The following AMBRA1 variants were observed in gnomAD, a reference collection of about 807,000 sequenced individuals.
The protein encoded by AMBRA1 is autophagy and beclin 1 regulator 1, also known as activating molecule in BECN1-regulated autophagy protein 1.
AMBRA1 carries 47 observed loss-of-function variants against 125.4 expected under a neutral mutation model. The observed-to-expected ratio is 0.37, with a 90% CI of 0.30 to 0.48. The LOEUF is 0.48. Among genes scored for constraint, AMBRA1 ranks in the 20% least tolerant of loss-of-function variants. The pLI, the probability that AMBRA1 is intolerant of heterozygous loss-of-function variation, is 0.99. For synonymous variants in AMBRA1, 626 were observed against 655.5 expected (o/e 0.95, Z 0.69); for missense variants, 1,331 against 1,693.4 (o/e 0.79, Z 3.76).
intron 7 of AMBRA1, among the ~76,000 whole-genome samples, chr11:46,516,166 C>T (rs1432714394): frequency 1.3e-5 from 2 of 152,068 alleles, no homozygotes; most frequent in Non-Finnish European, 2.9e-5. Flanking sequence ...CATTTGCTGC[C>T]CAGACAATAT....
At chr11:46,402,777 A>C (rs1171111176) in intron 17 of AMBRA1, among the ~76,000 whole-genome samples, 1 of 152,190 alleles carries the variant, frequency 6.6e-6, no homozygotes, top group African/African-American at 2.4e-5. Flanking sequence ...ACACAATACC[A>C]GACACAAAGT....
chr11:46,464,098 T>C (rs1338095778), intron 11 of AMBRA1, among the ~76,000 whole-genome samples: 1 of 152,122 alleles, frequency 6.6e-6, no homozygotes, highest in Non-Finnish European at 1.5e-5. Flanking sequence ...ATTCCAACAA[T>C]GGTTAATGAA....
chr11:46,478,648 C>CTTTTTTTTTTTTTTTTTTTTTT (rs11449187), intron 11 of AMBRA1, among the ~76,000 whole-genome samples: 5 of 82,152 alleles, frequency 6.1e-5, no homozygotes, highest in Admixed American at 1.8e-4. Context: ...TCTTTTTTCT[C>CTTTTTTTTTTTTTTTTTTTTTT]TTTTTTTTTT....
chr11:46,554,946 A>T (rs746764464), intron 1 of AMBRA1, among the ~76,000 whole-genome samples: 4 of 152,160 alleles, frequency 2.6e-5, no homozygotes, highest in Non-Finnish European at 4.4e-5. Context: ...ACATAAGACA[A>T]ATGCCGGTCA....
intron 11 of AMBRA1, among the ~76,000 whole-genome samples, chr11:46,466,344 C>CT (rs1227973593): frequency 5.1e-5 from 7 of 137,696 alleles, no homozygotes; most frequent in Non-Finnish European, 7.7e-5. Context: ...AAGACTCTGT[C>CT]TAAAAAAAAA....
intron 11 of AMBRA1, among the ~76,000 whole-genome samples, chr11:46,485,892 A>G (rs1425014514): frequency 2.6e-5 from 4 of 152,214 alleles, no homozygotes; most frequent in African/African-American, 9.7e-5. Flanking sequence ...CTAGTGGTAT[A>G]AGATAAGGTA....
chr11:46,409,487 C>A (rs756664122), intron 16 of AMBRA1, among the ~76,000 whole-genome samples: 1 of 152,164 alleles, frequency 6.6e-6, no homozygotes, highest in Non-Finnish European at 1.5e-5. Flanking sequence ...CATGAGCCAC[C>A]GCGCCCATCC....
chr11:46,429,193 C>G, intron 14 of AMBRA1: 1 of 1,473,918 alleles, frequency 6.8e-7, no homozygotes, highest in Non-Finnish European at 9.2e-7. Flanking sequence ...CTCCCCCTCT[C>G]CCTCGGACAA....
chr11:46,473,567 G>GA (rs1172495853), intron 11 of AMBRA1, among the ~76,000 whole-genome samples: 3 of 152,198 alleles, frequency 2.0e-5, no homozygotes, highest in Non-Finnish European at 4.4e-5. Context: ...TAAAGAATCA[G>GA]AAAAAATCCA....
At chr11:46,525,156 C>T (rs955566108) in intron 7 of AMBRA1, among the ~76,000 whole-genome samples, 3 of 152,044 alleles carry the variant, frequency 2.0e-5, no homozygotes, top group Non-Finnish European at 4.4e-5. Context: ...TAAAAATTAT[C>T]TGGGCATGGT....
At chr11:46,436,305 A>G (rs1947714358) in intron 12 of AMBRA1, among the ~76,000 whole-genome samples, 1 of 152,224 alleles carries the variant, frequency 6.6e-6, no homozygotes, top group Non-Finnish European at 1.5e-5. Context: ...AGTGATTTGT[A>G]AAACTCTATT....
intron 8 of AMBRA1, among the ~76,000 whole-genome samples, chr11:46,510,895 AATC>A (rs1440672545): frequency 6.6e-6 from 1 of 152,230 alleles, no homozygotes; most frequent in Non-Finnish European, 1.5e-5. Flanking sequence ...AGAGCTGGAA[AATC>A]ATCAAACAAC....
intron 1 of AMBRA1, among the ~76,000 whole-genome samples, chr11:46,583,652 C>CAAAAAAAAAAAAAAAAAAAAA (rs1398623719): frequency 8.0e-4 from 10 of 12,562 alleles, no homozygotes; most frequent in Non-Finnish European, 1.1e-3. Context: ...AACAAATTTC[C>CAAAAAAAAAAAAAAAAAAAAA]AAAAAAAAAA....
chr11:46,583,660 A>C (rs2044259071), intron 1 of AMBRA1, among the ~76,000 whole-genome samples: 2 of 129,208 alleles, frequency 1.5e-5, no homozygotes, highest in Non-Finnish European at 1.5e-5. Context: ...TCCAAAAAAA[A>C]AAAAAAAAAA....
At chr11:46,572,051 C>T (rs972176752) in intron 1 of AMBRA1, among the ~76,000 whole-genome samples, 15 of 152,078 alleles carry the variant, frequency 9.9e-5, no homozygotes, top group African/African-American at 3.6e-4. Flanking sequence ...GCCTATAATC[C>T]CAGGACTTTG....
intron 11 of AMBRA1, among the ~76,000 whole-genome samples, chr11:46,478,144 C>G (rs1949899402): frequency 6.6e-6 from 1 of 152,106 alleles, no homozygotes; most frequent in Non-Finnish European, 1.5e-5. Context: ...TCAATAATGC[C>G]AAGTAAAAGC....
intron 7 of AMBRA1, among the ~76,000 whole-genome samples, chr11:46,535,687 C>T (rs1229218188): frequency 1.3e-5 from 2 of 151,926 alleles, no homozygotes; most frequent in African/African-American, 2.4e-5. Flanking sequence ...TACTGAGGTG[C>T]CAAGCCAAAG....
chr11:46,589,438 T>G lies in AMBRA1; in HGVS notation c.-121+4390A>C, dbSNP rs543226441. Among the ~76,000 whole-genome samples the G allele has an allele frequency of 9.9e-5, 15 of 152,244 alleles. No individual in the cohort carries two copies. In the East Asian group the frequency reaches 2.9e-3, roughly 29 times the overall value. Reference sequence around the variant, plus strand: ...AGAATGAAACAAGAATGACTGTGATTAAAGGAACCTAAGTTTTTTTGGGGT... The same window carrying G: ...AGAATGAAACAAGAATGACTGTGATGAAAGGAACCTAAGTTTTTTTGGGGT... On this transcript the variant is annotated intron_variant, in intron 1 of 17. Transcript: ENST00000683756.
At position 46,577,120 on chromosome 11, in the gene AMBRA1, T is replaced by C. The variant is rs180824108; in HGVS notation, c.-121+16708A>G. Among the ~76,000 whole-genome samples the C allele has an allele frequency of 1.3e-4, 20 of 152,292 alleles. No homozygotes were observed. The East Asian group carries it at 1.9e-3, about 15-fold the overall frequency. On this transcript the variant is annotated intron_variant, in intron 1 of 17. Coordinates refer to ENST00000683756, the MANE Select transcript of AMBRA1 (RefSeq NM_001387011.1). ...ACCTGCAATTCCATTCCTACCTAGG[T>C]ATATTCCTAAAATAACTGAAAATAA...
Sources: allele counts gnomAD v4.1 joint callset (sites outside exome capture counted in the v4.1 genomes callset), GRCh38; gene constraint gnomAD v4.1.1; transcripts MANE v1.5; gene names NCBI Gene and HGNC (gene_info 2026-07-23, HGNC 2026-07-21).